FADS6: variants seen among roughly 807,000 people sequenced by gnomAD.
FADS6 encodes fatty acid desaturase 6.
A neutral mutation model predicts 31.7 loss-of-function variants in FADS6; 28 were observed. That is an observed-to-expected ratio of 0.88 (90% CI 0.66 to 1.21). The LOEUF (loss-of-function observed/expected upper bound fraction) is 1.21. Ranked by LOEUF, FADS6 falls within the 50% of genes most tolerant of loss-of-function variation. The probability of loss-of-function intolerance (pLI) is 0.00; values close to 1 mark genes in which losing one functional copy is unlikely to be tolerated. For synonymous variants in FADS6, 191 were observed against 213.1 expected, an observed-to-expected ratio of 0.90 and a Z score of 0.90; for missense variants, 494 against 504.2, an observed-to-expected ratio of 0.98 and a Z score of 0.19.
At chr17:74,879,942 A>T (rs1334141376) in intron 4 of FADS6, among the ~76,000 whole-genome samples, 1 of 152,178 alleles carries the variant, frequency 6.6e-6, no homozygotes, top group Non-Finnish European at 1.5e-5. Flanking sequence ...GATCCTACTC[A>T]TCATTCAAGG....
intron 2 of FADS6, among the ~76,000 whole-genome samples, chr17:74,890,682 A>C (rs2038680107): frequency 6.6e-6 from 1 of 152,142 alleles, no homozygotes; most frequent in South Asian, 2.1e-4. Context: ...GCAAAGATGA[A>C]GCCACTGGGC....
chr17:74,886,633 T>G (rs1036063602), intron 2 of FADS6, among the ~76,000 whole-genome samples: 10 of 152,160 alleles, frequency 6.6e-5, no homozygotes, highest in Admixed American at 2.6e-4. Context: ...TGTAAACACA[T>G]TACCTATTTG....
In FADS6 at chr17:74,882,560, G is replaced by A. The variant is rs1598556416; in HGVS notation, c.562C>T (p.Leu188Phe). Residue 188 changes from leucine (L) to phenylalanine (F), a missense_variant, in exon 3 of 6, where the codon CTC (leucine) becomes TTC (phenylalanine). By Grantham distance (22) the Leu-to-Phe change is conservative (BLOSUM62 0). Transcript: ENST00000612771. ...GCCACCAGTGGAGTGGCGATGGGGA[G>A]GAGGAAAGGAGCAAGGAACATGTAG... ...YVYMFLAPFL[L>F]PIATPLVAVE... is the part of the protein sequence containing the mutation. 1 of 1,611,902 alleles carries A rather than the reference G, an allele frequency of 6.2e-7. No individual in the cohort carries two copies. The highest frequency in any genetic ancestry group is 8.5e-7 in the Non-Finnish European group (1 of 1,179,084).
At position 74,881,283 on chromosome 17, in the gene FADS6, G is replaced by A. The variant is rs757540361; in HGVS notation, c.593-28C>T. The A allele has an allele frequency of 3.8e-5, 60 of 1,561,088 alleles. No homozygotes were observed. In the Admixed American group the frequency reaches 1.1e-3, roughly 29 times the overall value. On this transcript the variant is annotated intron_variant, in intron 3 of 5. Transcript: ENST00000612771. Reference sequence around the variant, plus strand: ...GCCATAGAGGGAGGGGACAGGCAAGGCTCAGATCCATCAGGAGGGGCTCCC... The same window carrying A: ...GCCATAGAGGGAGGGGACAGGCAAGACTCAGATCCATCAGGAGGGGCTCCC...
chr17:74,880,956 C>A lies in FADS6; in HGVS notation c.780+112G>T, dbSNP rs2038560886. 9.0e-6 allele frequency: 10 copies of A among 1,106,568 alleles called. No homozygotes were observed. The South Asian group carries it at 1.1e-4, about 13-fold the overall frequency. 68.5% of individuals were successfully genotyped at this position (1,106,568 alleles called of 1,614,324 possible). On this transcript the variant is annotated intron_variant, in intron 4 of 5. Coordinates refer to ENST00000612771, the MANE Select transcript of FADS6 (RefSeq NM_178128.6). ...TGTGATGAGAGCGAGAGGGAGGATG[C>A]CTCATCCTTCAGGTGGCCCCTCTCT...
At chr17:74,889,391 C>G (rs1567929216) in intron 2 of FADS6, among the ~76,000 whole-genome samples, 2 of 152,044 alleles carry the variant, frequency 1.3e-5, no homozygotes, top group Non-Finnish European at 2.9e-5. Flanking sequence ...GGAGGAGAGT[C>G]AGAAATCCAG....
chr17:74,885,874 C>T (rs767474770), intron 2 of FADS6, among the ~76,000 whole-genome samples: 13 of 152,214 alleles, frequency 8.5e-5, no homozygotes, highest in Admixed American at 5.9e-4. Context: ...AAATGAGGGG[C>T]CAGGCGTGGT....
chr17:74,893,533 A>AGGTTCCATGGGCTCCGTG lies in FADS6; in HGVS notation c.62_63insCACGGAGCCCATGGAACC (p.Thr28_Pro33dup), dbSNP rs2038718785. 7.2e-7 allele frequency: 1 copy of AGGTTCCATGGGCTCCGTG among 1,398,196 alleles called. No individual in the cohort carries two copies. The highest frequency in any genetic ancestry group is 9.5e-7 in the Non-Finnish European group (1 of 1,055,486). The allele number at this position is 1,398,196 out of a possible 1,614,324, so 86.6% of individuals were successfully genotyped here. A position where few individuals can be genotyped will look rare whatever the true frequency, so the allele number is the denominator to read the frequency against. ...GCTCCGTAGGTTCCATGGGCTCCGTAGGTTCCATGGGCTCCGTAGGTTCCA... is the reference window on the plus strand; with the variant it reads ...GCTCCGTAGGTTCCATGGGCTCCGTAGGTTCCATGGGCTCCGTGGGTTCCATGGGCTCCGTAGGTTCCA... On this transcript the variant is annotated inframe_insertion, in exon 1 of 6. Coordinates refer to ENST00000612771, the MANE Select transcript of FADS6 (RefSeq NM_178128.6).
Position 74,877,725 on chromosome 17 carries a change from T to A in FADS6, c.*606A>T. On this transcript the variant is annotated 3_prime_UTR_variant, in exon 6 of 6. Coordinates refer to ENST00000612771, the MANE Select transcript of FADS6 (RefSeq NM_178128.6). ...CCTCCCGACAAAACACACTCACTTT[T>A]ATCTTGCTGATACTGTGGCCTGGGG... 2 of 985,618 alleles carry A rather than the reference T, an allele frequency of 2.0e-6. No homozygotes were observed. The highest frequency in any genetic ancestry group is 2.4e-6 in the Non-Finnish European group (2 of 830,078). The allele number at this position is 985,618 out of a possible 1,614,324, so 61.1% of individuals were successfully genotyped here. A position where few individuals can be genotyped will look rare whatever the true frequency, so the allele number is the denominator to read the frequency against.
At chr17:74,891,634 G>C (rs1027047141) in intron 2 of FADS6, among the ~76,000 whole-genome samples, 3 of 152,192 alleles carry the variant, frequency 2.0e-5, no homozygotes, top group Admixed American at 1.3e-4. Context: ...GAGAGGGGCA[G>C]GGGAGGGGAA....
intron 3 of FADS6, among the ~76,000 whole-genome samples, chr17:74,881,551 T>G (rs1225393272): frequency 6.6e-6 from 1 of 151,726 alleles, no homozygotes; most frequent in Non-Finnish European, 1.5e-5. Flanking sequence ...TACACAAAAT[T>G]TGCTGGGCGT....
intron 2 of FADS6, among the ~76,000 whole-genome samples, chr17:74,891,327 C>T (rs192183721): frequency 1.2e-4 from 19 of 152,002 alleles, no homozygotes; most frequent in African/African-American, 2.4e-4. Flanking sequence ...TGTGAGCCAC[C>T]GCGCGCAGCC....
At chr17:74,893,237 C>CCACTCCGCAGGCTG (rs1226275398) in intron 1 of FADS6, 115 bp downstream of exon 1, 6 of 1,201,236 alleles carry the variant, frequency 5.0e-6, no homozygotes, top group Non-Finnish European at 6.6e-6. Context: ...CGCCGCCAGT[C>CCACTCCGCAGGCTG]CACTCCGCAG....
rs191237795 is a variant in FADS6 at position 74,885,651 on chromosome 17, A to T, written c.412-2941T>A. ...CCTCTTCCTTCTCCCCACAGATACC[A>T]CCCAGACAACCACCACCTACACCCT... is the stretch of plus-strand genomic sequence containing the variant. On this transcript the variant is annotated intron_variant, in intron 2 of 5. Coordinates refer to ENST00000612771, the MANE Select transcript of FADS6 (RefSeq NM_178128.6). 5.8e-4 allele frequency among the ~76,000 whole-genome samples: 88 copies of T among 151,580 alleles called. No individual in the cohort carries two copies. In the East Asian group the frequency reaches 0.015, roughly 25 times the overall value.
At position 74,893,626 on chromosome 17, in the gene FADS6, G is replaced by C. The variant is rs1336669696; in HGVS notation, c.-31C>G. On this transcript the variant is annotated 5_prime_UTR_variant, in exon 1 of 6. Coordinates refer to ENST00000612771, the MANE Select transcript of FADS6 (RefSeq NM_178128.6). ...CTGTGGGCTCGGGCCCGACGCGCACGGAGGACTGGAGGACTGGGGCGTGTG... is the reference window on the plus strand; with the variant it reads ...CTGTGGGCTCGGGCCCGACGCGCACCGAGGACTGGAGGACTGGGGCGTGTG... 1 of 1,275,538 alleles carries C rather than the reference G, an allele frequency of 7.8e-7. No homozygotes were observed. The highest frequency in any genetic ancestry group is 1.0e-6 in the Non-Finnish European group (1 of 996,190). 79.0% of individuals were successfully genotyped at this position (1,275,538 alleles called of 1,614,324 possible).
chr17:74,876,861 C>T (rs2038511552), downstream of FADS6, among the ~76,000 whole-genome samples: 1 of 152,108 alleles, frequency 6.6e-6, no homozygotes, highest in Non-Finnish European at 1.5e-5. Context: ...GGTCTGGCCT[C>T]CTTCTCTGTC....
intron 1 of FADS6, 81 bp downstream of exon 1, chr17:74,893,271 G>A: frequency 7.1e-7 from 1 of 1,405,256 alleles, no homozygotes; most frequent in South Asian, 1.5e-5. Flanking sequence ...GGCTGCTGTT[G>A]CAGACCCCGC....
chr17:74,890,011 G>A (rs899837205), intron 2 of FADS6, among the ~76,000 whole-genome samples: 1 of 152,070 alleles, frequency 6.6e-6, no homozygotes, highest in African/African-American at 2.4e-5. Flanking sequence ...ATTAAGGTCT[G>A]CACTGTTTCA....
chr17:74,883,399 G>A lies in FADS6; in HGVS notation c.412-689C>T, dbSNP rs545573055. On this transcript the variant is annotated intron_variant, in intron 2 of 5. Coordinates refer to ENST00000612771, the MANE Select transcript of FADS6 (RefSeq NM_178128.6). ...AGATACATGCAAATGGTATGCAGAT[G>A]TAAGCCTCTTCCGATATTTTATCTA... 1.2e-4 allele frequency among the ~76,000 whole-genome samples: 18 copies of A among 152,352 alleles called. No individual in the cohort carries two copies. In the South Asian group the frequency reaches 2.9e-3, roughly 25 times the overall value.
Sources: gnomAD v4.1 joint callset for allele counts (sites outside exome capture counted in the v4.1 genomes callset) on GRCh38, gnomAD v4.1.1 for gene constraint, MANE v1.5 for transcripts, NCBI Gene and HGNC (gene_info 2026-07-23, HGNC 2026-07-21) for gene names.